MAP3K5: variants seen among roughly 807,000 people sequenced by gnomAD.
MAP3K5 encodes ASK-1.
Under a neutral mutation model 158.7 loss-of-function variants are expected in MAP3K5, and 56 were observed. The observed-to-expected ratio is 0.35, with a 90% confidence interval of 0.28 to 0.44. MAP3K5 has a LOEUF of 0.44. MAP3K5 is among the 20% of genes least tolerant of loss of function. MAP3K5 has a pLI of 1.00. For synonymous variants in MAP3K5, 579 were observed against 601.7 expected (o/e 0.96, Z 0.55); for missense variants, 1,294 against 1,674.8 (o/e 0.77, Z 3.97).
chr6:136,657,382 G>A (rs531121699), intron 9 of MAP3K5, among the ~76,000 whole-genome samples: 2 of 152,272 alleles, frequency 1.3e-5, no homozygotes, highest in East Asian at 1.9e-4. Context: ...TTGTGGCTGC[G>A]AGTACCATTG....
In MAP3K5 at chr6:136,577,943, GT is replaced by G. The variant is rs910113812; in HGVS notation, c.3517+2357del. ...GGTAATCATTACTAAAAGGAAGTTT[GT>G]TTTTTTTTAATTAAGTAAACAGATC... On this transcript the variant is annotated intron_variant, in intron 25 of 29. Coordinates refer to ENST00000359015, the MANE Select transcript of MAP3K5 (RefSeq NM_005923.4). 2.8e-3 allele frequency among the ~76,000 whole-genome samples: 420 copies of G among 151,068 alleles called. 2 individuals carry two copies. Among genetic ancestry groups the G allele is most frequent in the African/African-American group, 9.5e-3 (391 of 41,116 alleles).
At chr6:136,734,755 A>G (rs1031037695) in intron 1 of MAP3K5, among the ~76,000 whole-genome samples, 1 of 152,126 alleles carries the variant, frequency 6.6e-6, no homozygotes, top group African/African-American at 2.4e-5. Flanking sequence ...TTTTAATTAA[A>G]CCATCAAAGC....
intron 1 of MAP3K5, among the ~76,000 whole-genome samples, chr6:136,749,963 C>T (rs1239876786): frequency 6.6e-6 from 1 of 152,204 alleles, no homozygotes; most frequent in African/African-American, 2.4e-5. Flanking sequence ...AACATATAAA[C>T]CCGCAAACAA....
At chr6:136,608,784 C>G (rs1469013030) in intron 18 of MAP3K5, among the ~76,000 whole-genome samples, 1 of 152,190 alleles carries the variant, frequency 6.6e-6, no homozygotes, top group African/African-American at 2.4e-5. Flanking sequence ...ATGTAAAGCA[C>G]TTAGTGCAGA....
intron 1 of MAP3K5, among the ~76,000 whole-genome samples, chr6:136,778,259 A>C (rs926238753): frequency 6.6e-6 from 1 of 152,180 alleles, no homozygotes; most frequent in African/African-American, 2.4e-5. Flanking sequence ...TTCATTAAAA[A>C]AATAAGTGGG....
rs1781124081 is a variant in MAP3K5 at position 136,707,426 on chromosome 6, C to G, written c.589-2293G>C. 3.9e-5 allele frequency among the ~76,000 whole-genome samples: 6 copies of G among 152,108 alleles called. No homozygotes were observed. The South Asian group carries it at 1.2e-3, about 32-fold the overall frequency. On this transcript the variant is annotated intron_variant, in intron 2 of 29. Transcript: ENST00000359015. ...AGACACGACCTCCAAAGGCAAAGCC[C>G]GAAGGTGAGGATCCAGGCCGGAGAG...
At chr6:136,602,374 C>T (rs1384153851) in intron 19 of MAP3K5, among the ~76,000 whole-genome samples, 2 of 152,178 alleles carry the variant, frequency 1.3e-5, no homozygotes. Flanking sequence ...GCAATCTCAG[C>T]TCACTGCAGT....
intron 8 of MAP3K5, among the ~76,000 whole-genome samples, chr6:136,665,454 C>T (rs1343899295): frequency 6.6e-6 from 1 of 151,024 alleles, no homozygotes; most frequent in Non-Finnish European, 1.5e-5. Flanking sequence ...TCAAGCGATT[C>T]TTTTGCCTCA....
chr6:136,733,790 T>C (rs555575284), intron 1 of MAP3K5, among the ~76,000 whole-genome samples: 1 of 149,176 alleles, frequency 6.7e-6, no homozygotes, highest in East Asian at 1.9e-4. Flanking sequence ...GAGCCTACAT[T>C]GACACATCAT....
intron 3 of MAP3K5, 54 bp from the exon 4 acceptor site, chr6:136,698,736 A>G (rs1780718242): frequency 8.1e-7 from 1 of 1,240,566 alleles, no homozygotes; most frequent in African/African-American, 1.5e-5. Flanking sequence ...GACACGGCAC[A>G]GATGGAATCC....
At chr6:136,723,433 C>T (rs981186441) in intron 1 of MAP3K5, among the ~76,000 whole-genome samples, 12 of 151,736 alleles carry the variant, frequency 7.9e-5, no homozygotes, top group Admixed American at 2.0e-4. Flanking sequence ...TGTATATATC[C>T]ATGTGCATAA....
In MAP3K5 at chr6:136,592,679, C is replaced by T. The variant is rs1340046828; in HGVS notation, c.2879-65G>A. 5 of 1,339,080 alleles carry T rather than the reference C, an allele frequency of 3.7e-6. No homozygotes were observed. The African/African-American group carries it at 7.2e-5, about 19-fold the overall frequency. The allele number at this position is 1,339,080 out of a possible 1,614,324, so 82.9% of individuals were successfully genotyped here. A position where few individuals can be genotyped will look rare whatever the true frequency, so the allele number is the denominator to read the frequency against. ...TAAAAAATGTACACATACTGAAACA[C>T]CCATTGAAAGAGGCCATATTCTTTG... On this transcript the variant is annotated intron_variant, in intron 21 of 29. Coordinates refer to ENST00000359015, the MANE Select transcript of MAP3K5 (RefSeq NM_005923.4).
At chr6:136,763,965 C>T (rs1380331449) in intron 1 of MAP3K5, among the ~76,000 whole-genome samples, 1 of 152,192 alleles carries the variant, frequency 6.6e-6, no homozygotes, top group Non-Finnish European at 1.5e-5. Flanking sequence ...GAAGCTCTCA[C>T]CAGATGCGCC....
At chr6:136,619,388 G>A (rs1234260702) in intron 15 of MAP3K5, among the ~76,000 whole-genome samples, 3 of 152,106 alleles carry the variant, frequency 2.0e-5, no homozygotes, top group Admixed American at 6.6e-5. Flanking sequence ...TCCACTGAAG[G>A]GTTTTAGGCA....
At chr6:136,560,728 G>C (rs375799508) in intron 28 of MAP3K5, among the ~76,000 whole-genome samples, 2 of 152,006 alleles carry the variant, frequency 1.3e-5, no homozygotes, top group South Asian at 4.1e-4. Flanking sequence ...TGAGAGAATC[G>C]CTTGGGGCCA....
At position 136,669,375 on chromosome 6, in the gene MAP3K5, G is replaced by C; in HGVS notation, c.1274C>G (p.Ser425Cys). 1 of 1,609,772 alleles carries C rather than the reference G, an allele frequency of 6.2e-7. No homozygotes were observed. ...AATTCCTGACTGTAGTGTTGGCTCAGATTCAAATGCCTTTTTGAACCTATA... is the reference window on the plus strand; with the variant it reads ...AATTCCTGACTGTAGTGTTGGCTCACATTCAAATGCCTTTTTGAACCTATA... ...GASWFKKAFE[S>C]EPTLQSGINY... The change falls in exon 8 of 30, where the codon TCT becomes TGT. Residue 425 changes from serine (S) to cysteine (C), a missense_variant. This residue lies in a region of MAP3K5 where 690 missense variants were observed against 870.5 expected (regional missense o/e 0.79). Transcript: ENST00000359015.
chr6:136,780,693 A>C (rs1784579540), intron 1 of MAP3K5, among the ~76,000 whole-genome samples: 1 of 152,250 alleles, frequency 6.6e-6, no homozygotes, highest in African/African-American at 2.4e-5. Context: ...GAAGTAAAAC[A>C]AGTATGTCAA....
At chr6:136,592,721 A>G in intron 21 of MAP3K5, 107 bp from the exon 22 acceptor site, 1 of 936,824 alleles carries the variant, frequency 1.1e-6, no homozygotes, top group Non-Finnish European at 1.7e-6. Context: ...ATCTTGTTGC[A>G]ATGAGCAGCA....
intron 1 of MAP3K5, among the ~76,000 whole-genome samples, chr6:136,754,485 G>A (rs1301555840): frequency 1.3e-5 from 2 of 151,854 alleles, no homozygotes; most frequent in Non-Finnish European, 1.5e-5. Flanking sequence ...AGGCTGAGGC[G>A]GGTGGAACAC....
Sources: allele counts gnomAD v4.1 joint callset (sites outside exome capture counted in the v4.1 genomes callset), GRCh38; gene constraint gnomAD v4.1.1; regional missense constraint gnomAD v4.1.1; transcripts MANE v1.5; gene names NCBI Gene and HGNC (gene_info 2026-07-23, HGNC 2026-07-21).